The following FER1L6 variants were observed in gnomAD, a reference collection of about 807,000 sequenced individuals.
FER1L6 encodes the protein fer-1-like protein 6.
FER1L6 carries 177 observed loss-of-function variants against 219.2 expected under a neutral mutation model. The observed-to-expected ratio is 0.81, with a 90% CI of 0.71 to 0.91. The LOEUF (loss-of-function observed/expected upper bound fraction) is 0.91, where lower values mean the gene tolerates loss of function less well. FER1L6 is among the 40% of genes least tolerant of loss of function. The pLI, the probability that FER1L6 is intolerant of heterozygous loss-of-function variation, is 0.00. For missense variants in FER1L6, 2,153 were observed against 2,259.9 expected (o/e 0.95, Z 0.96); for synonymous variants, 768 against 824.3 (o/e 0.93, Z 1.17).
rs184385690 is a variant in FER1L6, at chr8:124,034,651, G to A, written c.2287-626G>A. Among the ~76,000 whole-genome samples the A allele has an allele frequency of 4.5e-4, 68 of 152,352 alleles. 1 individual carries two copies. The highest frequency in any genetic ancestry group is 1.5e-3 in the African/African-American group (62 of 41,580). On this transcript the variant is annotated intron_variant, in intron 18 of 40. Transcript: ENST00000522917. ...CTGAGACCACACTGCATGAGGAAGC[G>A]GTGAAGGTGTTTAGCCAGGAGGAAA... is the stretch of plus-strand genomic sequence containing the variant.
chr8:123,940,932 T>G (rs780273722), intron 1 of FER1L6, among the ~76,000 whole-genome samples: 1 of 152,158 alleles, frequency 6.6e-6, no homozygotes, highest in Non-Finnish European at 1.5e-5. Context: ...ATGGGGTAAT[T>G]TCTCAAAAGG....
At chr8:123,909,998 T>C (rs1233233144) in intron 1 of FER1L6, among the ~76,000 whole-genome samples, 2 of 152,210 alleles carry the variant, frequency 1.3e-5, no homozygotes, top group Non-Finnish European at 2.9e-5. Context: ...GTGAAATAAG[T>C]AGCAGCATCT....
intron 15 of FER1L6, among the ~76,000 whole-genome samples, chr8:124,015,692 TTAG>T: frequency 1.4e-5 from 2 of 147,610 alleles, no homozygotes; most frequent in Non-Finnish European, 3.0e-5. Context: ...ATCCACACTT[TTAG>T]AAACTGTTTA....
chr8:123,881,085 G>A (rs982552385), intron 1 of FER1L6, among the ~76,000 whole-genome samples: 1 of 152,154 alleles, frequency 6.6e-6, no homozygotes, highest in Non-Finnish European at 1.5e-5. Flanking sequence ...GGAGTAATTT[G>A]AGAGTTATCT....
chr8:124,001,990 G>A (rs1444017290), intron 12 of FER1L6, among the ~76,000 whole-genome samples: 1 of 152,190 alleles, frequency 6.6e-6, no homozygotes, highest in Non-Finnish European at 1.5e-5. Context: ...GGGTGACGGA[G>A]CATAGGGCAG....
chr8:123,852,313 A>G lies in FER1L6; in HGVS notation c.-8+128A>G, dbSNP rs981913395. Reference sequence around the variant, plus strand: ...TCCCTTCCACAATGGAAGCAGTCCAATGTAATCAACCTGCCTCCAGGTAGC... The same window carrying G: ...TCCCTTCCACAATGGAAGCAGTCCAGTGTAATCAACCTGCCTCCAGGTAGC... On this transcript the variant is annotated intron_variant, in intron 1 of 40. Transcript: ENST00000522917. The surrounding 1 kb of genome is among the most constrained non-coding windows in gnomAD (Gnocchi z 4.9). 34 of 152,310 alleles carry G rather than the reference A, an allele frequency of 2.2e-4. No individual in the cohort carries two copies. Among genetic ancestry groups the G allele is most frequent in the African/African-American group, 7.7e-4 (32 of 41,456 alleles). The allele number at this position is 152,310 out of a possible 1,614,324, so 9.4% of individuals were successfully genotyped here. A position where few individuals can be genotyped will look rare whatever the true frequency, so the allele number is the denominator to read the frequency against.
chr8:124,064,452 T>A lies in FER1L6; in HGVS notation c.3434T>A (p.Val1145Glu). The change falls in exon 26 of 41, where the codon GTG becomes GAG. Residue 1145 changes from valine (V) to glutamate (E), a missense_variant. By Grantham distance (121) the Val-to-Glu change is moderately radical. Coordinates refer to ENST00000522917, the MANE Select transcript of FER1L6 (RefSeq NM_001039112.2). ...GTGGATGTTGAGCCACCTCCCACAG[T>A]GGTGCCCGACTCTGCCCAGGCCCAG... ...IYVDVEPPPT[V>E]VPDSAQAQPA... 2 of 1,613,958 alleles carry A rather than the reference T, an allele frequency of 1.2e-6. No homozygotes were observed. The highest frequency in any genetic ancestry group is 1.7e-6 in the Non-Finnish European group (2 of 1,179,956).
chr8:124,063,314 C>T (rs1461597589), intron 25 of FER1L6, among the ~76,000 whole-genome samples: 4 of 152,162 alleles, frequency 2.6e-5, no homozygotes, highest in Non-Finnish European at 5.9e-5. Context: ...TCAGACCCCT[C>T]CATGTTTTAA....
In FER1L6 at chr8:124,017,731, C is replaced by T; in HGVS notation, c.2013+13C>T. The T allele has an allele frequency of 6.2e-7, 1 of 1,602,408 alleles. No homozygotes were observed. Among genetic ancestry groups the T allele is most frequent in the Non-Finnish European group, 8.5e-7 (1 of 1,170,230 alleles). ...CTGGCAGGAGCTGGTATGTGAAAATCTATTTATACTTTGTGGACAGAGTTA... is the reference window on the plus strand; with the variant it reads ...CTGGCAGGAGCTGGTATGTGAAAATTTATTTATACTTTGTGGACAGAGTTA... On this transcript the variant is annotated intron_variant, in intron 16 of 40. Coordinates refer to ENST00000522917, the MANE Select transcript of FER1L6 (RefSeq NM_001039112.2).
intron 33 of FER1L6, among the ~76,000 whole-genome samples, chr8:124,085,325 T>C (rs1821735155): frequency 6.6e-6 from 1 of 152,094 alleles, no homozygotes; most frequent in East Asian, 1.9e-4. Flanking sequence ...CATTATTTAT[T>C]TGAAGTTTTT....
intron 1 of FER1L6, among the ~76,000 whole-genome samples, chr8:123,914,811 A>G (rs988842739): frequency 6.6e-6 from 1 of 152,208 alleles, no homozygotes; most frequent in East Asian, 1.9e-4. Flanking sequence ...AGGGTTAGTA[A>G]GAAAAAGTGG....
At chr8:123,927,010 A>G (rs964008555) in intron 1 of FER1L6, among the ~76,000 whole-genome samples, 3 of 152,266 alleles carry the variant, frequency 2.0e-5, no homozygotes, top group Non-Finnish European at 4.4e-5. Flanking sequence ...ATTATGTGCC[A>G]GGCACTGTTC....
In FER1L6 at chr8:124,076,283, G is replaced by A. The variant is rs759130594; in HGVS notation, c.4178G>A (p.Arg1393Gln). 4.1e-5 allele frequency: 66 copies of A among 1,613,750 alleles called. No homozygotes were observed. Among genetic ancestry groups the A allele is most frequent in the South Asian group, 2.7e-4 (25 of 91,064 alleles). ...CTTGGCAAGACAGAAATCAAAGACCGGGATAAATACATCCCTAAACAACTG... is the reference window on the plus strand; with the variant it reads ...CTTGGCAAGACAGAAATCAAAGACCAGGATAAATACATCCCTAAACAACTG... ...IKLGKTEIKD[R>Q]DKYIPKQLNP... is the part of the protein sequence containing the mutation. Residue 1393 changes from arginine to glutamine, a missense_variant, in exon 32 of 41, where the codon CGG (arginine) becomes CAG (glutamine). By Grantham distance (43) the Arg-to-Gln change is conservative. Coordinates refer to ENST00000522917, the MANE Select transcript of FER1L6 (RefSeq NM_001039112.2).
At chr8:124,008,497 C>T (rs1417597323) in intron 13 of FER1L6, among the ~76,000 whole-genome samples, 1 of 152,168 alleles carries the variant, frequency 6.6e-6, no homozygotes, top group Non-Finnish European at 1.5e-5. Flanking sequence ...GGTAGTTCTA[C>T]TTTTAGTTCT....
At chr8:124,046,932 C>A (rs1261301774) in intron 21 of FER1L6, among the ~76,000 whole-genome samples, 1 of 152,192 alleles carries the variant, frequency 6.6e-6, no homozygotes, top group Non-Finnish European at 1.5e-5. Flanking sequence ...CTCCAAGCCA[C>A]TCCCTCCCTC....
intron 1 of FER1L6, among the ~76,000 whole-genome samples, chr8:123,867,909 A>G (rs893901879): frequency 2.6e-5 from 4 of 152,176 alleles, no homozygotes; most frequent in East Asian, 3.8e-4. Flanking sequence ...AGCATCACCT[A>G]TGAGGTCCTG....
intron 16 of FER1L6, among the ~76,000 whole-genome samples, chr8:124,020,967 G>A (rs189200495): frequency 6.4e-4 from 97 of 152,146 alleles, no homozygotes; most frequent in African/African-American, 1.8e-3. Context: ...TTTAATTGAC[G>A]CACAGTTCCA....
At chr8:123,965,002 G>C (rs1815471117) in intron 3 of FER1L6, among the ~76,000 whole-genome samples, 1 of 152,110 alleles carries the variant, frequency 6.6e-6, no homozygotes, top group Non-Finnish European at 1.5e-5. Context: ...CTGGCACTGG[G>C]CTTTCACATA....
chr8:124,097,320 C>T lies in FER1L6; in HGVS notation c.4745C>T (p.Pro1582Leu). ...ATGTTTCCCAAGGATATGCCTCAACCTGGACCTCCTGTTGACATCTCTCCA... is the reference window on the plus strand; with the variant it reads ...ATGTTTCCCAAGGATATGCCTCAACTTGGACCTCCTGTTGACATCTCTCCA... The part of the protein sequence containing the change: ...VDMFPKDMPQ[P>L]GPPVDISPRR... Residue 1582 changes from proline (P) to leucine (L), a missense_variant, in exon 36 of 41, where the codon CCT (proline) becomes CTT (leucine). Pro to Leu is a moderately conservative substitution (Grantham distance 98). Transcript: ENST00000522917. 1.2e-6 allele frequency: 2 copies of T among 1,613,604 alleles called. No individual in the cohort carries two copies. Among genetic ancestry groups the T allele is most frequent in the Non-Finnish European group, 8.5e-7 (1 of 1,179,700 alleles).
Sources: gnomAD v4.1 joint callset for allele counts (sites outside exome capture counted in the v4.1 genomes callset) on GRCh38, gnomAD v4.1.1 for gene constraint, Gnocchi (gnomAD v3.1) non-coding constraint, MANE v1.5 for transcripts, NCBI Gene and HGNC (gene_info 2026-07-23, HGNC 2026-07-21) for gene names.